CUBN: variants seen among roughly 807,000 people sequenced by gnomAD.
CUBN encodes cubilin.
In CUBN, 282 loss-of-function variants were observed where a neutral mutation model predicts 405.3. The ratio of observed to expected loss-of-function variants is 0.70; its 90% CI spans 0.63 to 0.77. The LOEUF (loss-of-function observed/expected upper bound fraction) is 0.77, where lower values mean the gene tolerates loss of function less well. CUBN is among the 30% of genes least tolerant of loss of function. CUBN has a pLI of 0.00. For missense variants in CUBN, 4,514 were observed against 4,475.2 expected (o/e 1.01, Z -0.25); for synonymous variants, 1,684 against 1,617.0 (o/e 1.04, Z -0.99).
Position 17,071,612 on chromosome 10 carries a change from C to T in CUBN, c.2447-8G>A. 6.2e-7 allele frequency: 1 copy of T among 1,612,564 alleles called. No homozygotes were observed. Among genetic ancestry groups the T allele is most frequent in the South Asian group, 1.1e-5 (1 of 91,040 alleles). ...TTAATTCATCCCCGCAAGCTGTAAG[C>T]ATAAAAATTATAGTAGTGCTTGTCC... is the stretch of plus-strand genomic sequence containing the variant. On this transcript the variant is annotated splice_region_variant and splice_polypyrimidine_tract_variant and intron_variant, in intron 18 of 66. Transcript: ENST00000377833.
chr10:17,078,974 C>T (rs1167655672), intron 17 of CUBN, among the ~76,000 whole-genome samples: 1 of 152,106 alleles, frequency 6.6e-6, no homozygotes, highest in Non-Finnish European at 1.5e-5. Context: ...TCAAACACAG[C>T]AAAAATGTAT....
At position 16,954,534 on chromosome 10, in the gene CUBN, T is replaced by C. The variant is rs952765583; in HGVS notation, c.4710A>G (p.Leu1570=). The C allele has an allele frequency of 5.6e-6, 9 of 1,613,480 alleles. No individual in the cohort carries two copies. In the South Asian group the frequency reaches 9.9e-5, roughly 18 times the overall value. Residue 1570 remains leucine (L), a synonymous_variant, in exon 32 of 67, where the codon TTA becomes TTG. Coordinates refer to ENST00000377833, the MANE Select transcript of CUBN (RefSeq NM_001081.4). The stretch of plus-strand genomic sequence containing the variant: ...TGGCAAGGCGGGACATTGTGGAGCT[T>C]AAGCCATCGTATGCCTACAAGAAAG... ...QDSCIMAYDG[L]SSTMSRLART... is the part of the protein sequence containing the mutation.
intron 17 of CUBN, among the ~76,000 whole-genome samples, chr10:17,082,714 T>C (rs73602238): frequency 0.021 from 3,216 of 152,274 alleles, 118 homozygotes; most frequent in African/African-American, 0.073. Context: ...ACACCTCTTG[T>C]AGTCAACGTC....
chr10:16,840,439 C>T lies in CUBN; in HGVS notation c.9923G>A (p.Trp3308Ter). Reference protein sequence around the residue: ...DPDVPFSICTWVIDSPPHQQV... With the variant: ...DPDVPFSICT ...CTGATGCGGAGGGGAATCAATGACCCAAGTACAGATGGAAAATGGGACATC... is the reference window on the plus strand; with the variant it reads ...CTGATGCGGAGGGGAATCAATGACCTAAGTACAGATGGAAAATGGGACATC... Residue 3308 changes from tryptophan to a stop codon, truncating the protein, a stop_gained, in exon 62 of 67, where the codon TGG (tryptophan) becomes TAG (stop). Transcript: ENST00000377833. LOFTEE classifies it high-confidence loss of function. 6.2e-7 allele frequency: 1 copy of T among 1,614,018 alleles called. No homozygotes were observed. Among genetic ancestry groups the T allele is most frequent in the East Asian group, 2.2e-5 (1 of 44,860 alleles).
At chr10:17,096,911 C>T (rs1836386897) in intron 14 of CUBN, among the ~76,000 whole-genome samples, 1 of 151,980 alleles carries the variant, frequency 6.6e-6, no homozygotes, top group Admixed American at 6.6e-5. Flanking sequence ...TGAAAACATA[C>T]ATATTAAAAC....
At chr10:17,076,482 CAAAAAA>C (rs79168650) in intron 17 of CUBN, among the ~76,000 whole-genome samples, 3 of 137,732 alleles carry the variant, frequency 2.2e-5, no homozygotes, top group African/African-American at 2.7e-5. Flanking sequence ...GCACCCCCAC[CAAAAAA>C]AAAAAAAAAA....
intron 36 of CUBN, among the ~76,000 whole-genome samples, chr10:16,943,620 C>T (rs554714941): frequency 6.6e-6 from 1 of 152,154 alleles, no homozygotes; most frequent in Non-Finnish European, 1.5e-5. Flanking sequence ...TTCCTCAGAA[C>T]GTAAATTACA....
chr10:16,901,492 C>T (rs748672880), intron 51 of CUBN, 33 bp from the exon 52 acceptor site: 1 of 1,613,386 alleles, frequency 6.2e-7, no homozygotes, highest in Admixed American at 1.7e-5. Context: ...CTCAATAAAA[C>T]AGAAGTAAAA....
rs1185100019 is a variant in CUBN at position 16,928,290 on chromosome 10, C to G, written c.6138G>C (p.Leu2046Phe). The change falls in exon 41 of 67, where the codon TTG becomes TTC. Residue 2046 changes from leucine (L) to phenylalanine (F), a missense_variant. This residue lies in a region of CUBN where 1,613 missense variants were observed against 1,542.8 expected (regional missense o/e 1.05). Transcript: ENST00000377833. ...SLVIRDGDNNLAQQLAVLCGR... is the reference protein window; with the variant it reads ...SLVIRDGDNNFAQQLAVLCGR... ...CACAGAGAACTGCTAGCTGCTGGGCCAAGTTATTATCTCCTACGTTGAAAG... is the reference window on the plus strand; with the variant it reads ...CACAGAGAACTGCTAGCTGCTGGGCGAAGTTATTATCTCCTACGTTGAAAG... The G allele has an allele frequency of 1.2e-6, 2 of 1,613,782 alleles. No individual in the cohort carries two copies. Among genetic ancestry groups the G allele is most frequent in the Non-Finnish European group, 8.5e-7 (1 of 1,179,862 alleles).
At chr10:17,125,707 G>A (rs1046553413) in intron 4 of CUBN, among the ~76,000 whole-genome samples, 1 of 152,192 alleles carries the variant, frequency 6.6e-6, no homozygotes, top group Non-Finnish European at 1.5e-5. Context: ...AAGGCACAAA[G>A]CATTCACATT....
intron 59 of CUBN, among the ~76,000 whole-genome samples, chr10:16,855,203 C>T (rs1240140700): frequency 6.6e-6 from 1 of 151,326 alleles, no homozygotes; most frequent in Non-Finnish European, 1.5e-5. Context: ...ACCTCAGCCT[C>T]TTGAATAGCT....
intron 31 of CUBN, among the ~76,000 whole-genome samples, chr10:16,962,727 G>A (rs768597003): frequency 6.6e-5 from 10 of 152,218 alleles, no homozygotes; most frequent in South Asian, 2.1e-4. Context: ...GAGATACTCC[G>A]TGGAGAGGCC....
Position 16,939,078 on chromosome 10 carries a change from G to A in CUBN, c.5618C>T (p.Pro1873Leu). ...VASPFWPENY[P>L]HNSNYQWTVN... ...TGTCCATTGGTAATTGGAGTTATGTGGGTAGTTTTCAGGCCAGAAAGGAGA... is the reference window on the plus strand; with the variant it reads ...TGTCCATTGGTAATTGGAGTTATGTAGGTAGTTTTCAGGCCAGAAAGGAGA... Residue 1873 changes from proline (P) to leucine (L), a missense_variant, in exon 38 of 67, where the codon CCA becomes CTA. Physicochemically the swap from Pro to Leu is moderately conservative, Grantham distance 98. This residue lies in a region of CUBN where 1,613 missense variants were observed against 1,542.8 expected (regional missense o/e 1.05). Coordinates refer to ENST00000377833, the MANE Select transcript of CUBN (RefSeq NM_001081.4). 6.2e-7 allele frequency: 1 copy of A among 1,613,740 alleles called. No homozygotes were observed. The highest frequency in any genetic ancestry group is 1.1e-5 in the South Asian group (1 of 91,066).
At chr10:16,832,091 C>A (rs1397820958) in intron 64 of CUBN, among the ~76,000 whole-genome samples, 1 of 150,748 alleles carries the variant, frequency 6.6e-6, no homozygotes, top group Non-Finnish European at 1.5e-5. Context: ...AGGAGATGAG[C>A]CTGTGTTTTA....
At chr10:16,932,512 A>G (rs922104721) in intron 40 of CUBN, among the ~76,000 whole-genome samples, 1 of 152,194 alleles carries the variant, frequency 6.6e-6, no homozygotes, top group Non-Finnish European at 1.5e-5. Context: ...GAAAGAATAC[A>G]ACAATATCAC....
intron 27 of CUBN, among the ~76,000 whole-genome samples, chr10:17,037,670 T>C (rs1361013505): frequency 6.6e-6 from 1 of 152,232 alleles, no homozygotes; most frequent in East Asian, 1.9e-4. Flanking sequence ...CCCACACACG[T>C]GAACTAGATG....
chr10:17,074,224 C>T (rs974537365), intron 17 of CUBN, among the ~76,000 whole-genome samples: 12 of 152,114 alleles, frequency 7.9e-5, no homozygotes, highest in South Asian at 2.1e-4. Context: ...ATGATGACTG[C>T]GGTTTTTGGG....
intron 31 of CUBN, among the ~76,000 whole-genome samples, chr10:16,970,061 A>G (rs1242513536): frequency 6.6e-6 from 1 of 152,192 alleles, no homozygotes; most frequent in Non-Finnish European, 1.5e-5. Flanking sequence ...TAAGCAAACT[A>G]AGAACCCCAA....
At chr10:17,001,365 T>G (rs970553299) in intron 28 of CUBN, among the ~76,000 whole-genome samples, 1 of 152,222 alleles carries the variant, frequency 6.6e-6, no homozygotes, top group Non-Finnish European at 1.5e-5. Flanking sequence ...TCCTGCTGAT[T>G]GGTCCATTTT....
Sources: gnomAD v4.1 joint callset for allele counts (sites outside exome capture counted in the v4.1 genomes callset) on GRCh38, gnomAD v4.1.1 for gene constraint, gnomAD v4.1.1 regional missense constraint, MANE v1.5 for transcripts, NCBI Gene and HGNC (gene_info 2026-07-23, HGNC 2026-07-21) for gene names.